Variants in HMGCLL1 observed in about 807,000 individuals in gnomAD.
HMGCLL1 encodes 3-hydroxy-3-methylglutaryl-CoA lyase like 1, also known as 3-hydroxymethyl-3-methylglutaryl-CoA lyase, cytoplasmic.
Under a neutral mutation model 39.1 loss-of-function variants are expected in HMGCLL1, and 36 were observed. That is an observed-to-expected ratio of 0.92 (90% CI 0.71 to 1.22). HMGCLL1 has a LOEUF of 1.22. Among genes scored for constraint, HMGCLL1 ranks in the 50% most tolerant of loss-of-function variants. HMGCLL1 has a pLI of 0.00. For missense variants in HMGCLL1, 451 were observed against 416.5 expected (o/e 1.08, Z -0.72); for synonymous variants, 149 against 144.0 (o/e 1.03, Z -0.25).
the HMGCLL1 span, among the ~76,000 whole-genome samples, chr6:55,669,774 C>T: frequency 1.3e-5 from 2 of 151,742 alleles, no homozygotes; most frequent in African/African-American, 4.8e-5. Flanking sequence ...AGCCAAAACA[C>T]TTGAAGGTAG....
chr6:55,539,640 G>C (rs1404499394), intron 3 of HMGCLL1, among the ~76,000 whole-genome samples: 1 of 151,640 alleles, frequency 6.6e-6, no homozygotes, highest in Admixed American at 6.6e-5. Context: ...ACATAAGTGG[G>C]AGCTAAATGA....
At chr6:55,547,219 T>C (rs1463747320) in intron 1 of HMGCLL1, among the ~76,000 whole-genome samples, 1 of 152,042 alleles carries the variant, frequency 6.6e-6, no homozygotes, top group Admixed American at 6.6e-5. Flanking sequence ...AGAACATAAG[T>C]AATGTGCTTC....
chr6:55,520,543 C>T (rs867338543), intron 3 of HMGCLL1, among the ~76,000 whole-genome samples: 10 of 151,808 alleles, frequency 6.6e-5, no homozygotes, highest in African/African-American at 2.2e-4. Context: ...TCATTTTATT[C>T]CAATGAATAA....
At chr6:55,592,793 A>G in the HMGCLL1 span, among the ~76,000 whole-genome samples, 2 of 152,048 alleles carry the variant, frequency 1.3e-5, no homozygotes, top group Non-Finnish European at 2.9e-5. Flanking sequence ...GAAGGGTCCT[A>G]TGATTCCTAT....
At chr6:55,614,875 C>T in the HMGCLL1 span, among the ~76,000 whole-genome samples, 559 of 152,036 alleles carry the variant, frequency 3.7e-3, 6 homozygotes, top group South Asian at 0.016. Context: ...ATATGTAAGG[C>T]TGGGTGCAGA....
the HMGCLL1 span, among the ~76,000 whole-genome samples, chr6:55,640,586 G>C: frequency 1.3e-5 from 2 of 151,794 alleles, no homozygotes; most frequent in Non-Finnish European, 2.9e-5. Context: ...ATAATGAGGT[G>C]TAAGAAAGAA....
intron 7 of HMGCLL1, among the ~76,000 whole-genome samples, chr6:55,452,685 T>C (rs184707791): frequency 4.4e-4 from 67 of 152,336 alleles, no homozygotes; most frequent in African/African-American, 1.6e-3. Flanking sequence ...GACTTCTTTC[T>C]AAATCTCTGT....
chr6:55,459,782 T>C (rs1402466203), intron 7 of HMGCLL1, among the ~76,000 whole-genome samples: 1 of 151,966 alleles, frequency 6.6e-6, no homozygotes, highest in Non-Finnish European at 1.5e-5. Context: ...AAACAAACAC[T>C]TTTCAAATTT....
chr6:55,612,228 T>A, the HMGCLL1 span, among the ~76,000 whole-genome samples: 36 of 152,024 alleles, frequency 2.4e-4, no homozygotes, highest in African/African-American at 8.7e-4. Context: ...AATACCTAGA[T>A]ACAGCTAACA....
At chr6:55,552,200 C>A (rs550411803) in intron 1 of HMGCLL1, among the ~76,000 whole-genome samples, 1 of 151,880 alleles carries the variant, frequency 6.6e-6, no homozygotes, top group Middle Eastern at 3.2e-3. Context: ...AATAGACAAC[C>A]CCGTAGTGAT....
intron 7 of HMGCLL1, among the ~76,000 whole-genome samples, chr6:55,441,135 T>C (rs9370421): frequency 0.34 from 51,532 of 151,874 alleles, 9,576 homozygotes; most frequent in East Asian, 0.44. Context: ...TGAGAATTTA[T>C]AGCCAAGGAG....
chr6:55,599,713 T>C, the HMGCLL1 span, among the ~76,000 whole-genome samples: 1 of 152,162 alleles, frequency 6.6e-6, no homozygotes, highest in African/African-American at 2.4e-5. Context: ...CAGAAAACAA[T>C]TTTCCCTTGG....
chr6:55,633,727 A>G, the HMGCLL1 span, among the ~76,000 whole-genome samples: 1 of 152,052 alleles, frequency 6.6e-6, no homozygotes, highest in African/African-American at 2.4e-5. Flanking sequence ...TTAAAATTTC[A>G]CAGCAGGAAT....
chr6:55,468,991 A>G (rs1764911275), intron 7 of HMGCLL1, among the ~76,000 whole-genome samples: 1 of 151,836 alleles, frequency 6.6e-6, no homozygotes, highest in Non-Finnish European at 1.5e-5. Flanking sequence ...GCATGTATTT[A>G]GCAGGGAACT....
At chr6:55,522,430 G>A (rs1345554262) in intron 3 of HMGCLL1, among the ~76,000 whole-genome samples, 1 of 151,882 alleles carries the variant, frequency 6.6e-6, no homozygotes, top group Non-Finnish European at 1.5e-5. Flanking sequence ...ACTGAGTAAA[G>A]TTTACTCAGT....
chr6:55,436,570 G>A (rs1257120151), intron 8 of HMGCLL1, among the ~76,000 whole-genome samples: 2 of 151,922 alleles, frequency 1.3e-5, no homozygotes, highest in Non-Finnish European at 2.9e-5. Flanking sequence ...GCCCTTATGT[G>A]GCATTTCATA....
chr6:55,581,501 T>A (rs980064765), upstream of HMGCLL1, among the ~76,000 whole-genome samples: 28 of 152,122 alleles, frequency 1.8e-4, no homozygotes, highest in African/African-American at 6.8e-4. Flanking sequence ...AATTTATGAA[T>A]GCTTAAAATT....
chr6:55,658,065 T>TA, the HMGCLL1 span, among the ~76,000 whole-genome samples: 431 of 144,688 alleles, frequency 3.0e-3, 1 homozygote, highest in African/African-American at 9.0e-3. Context: ...AAATAAAAAT[T>TA]TAAAAAAAAA....
chr6:55,586,869 T>C, the HMGCLL1 span, among the ~76,000 whole-genome samples: 1 of 152,114 alleles, frequency 6.6e-6, no homozygotes, highest in East Asian at 1.9e-4. Flanking sequence ...TGTGCATGTG[T>C]CTTTATAGCA....
Sources: allele counts gnomAD v4.1 joint callset (sites outside exome capture counted in the v4.1 genomes callset), GRCh38; gene constraint gnomAD v4.1.1; transcripts MANE v1.5; gene names NCBI Gene and HGNC (gene_info 2026-07-23, HGNC 2026-07-21).